CAST: variants seen among roughly 807,000 people sequenced by gnomAD.
CAST encodes MIR583 host.
A neutral mutation model predicts 119.6 loss-of-function variants in CAST; 76 were observed. The observed-to-expected ratio is 0.64, with a 90% CI of 0.53 to 0.77. The LOEUF (loss-of-function observed/expected upper bound fraction) is 0.77. CAST is among the 30% of genes least tolerant of loss of function. CAST has a pLI of 0.00. For missense variants in CAST, 953 were observed against 946.5 expected, an observed-to-expected ratio of 1.01 and a Z score of -0.09; for synonymous variants, 319 against 331.6, an observed-to-expected ratio of 0.96 and a Z score of 0.41.
the CAST span, among the ~76,000 whole-genome samples, chr5:96,479,468 T>TTTTGAG: frequency 6.9e-6 from 1 of 144,536 alleles, no homozygotes; most frequent in Admixed American, 6.8e-5. Flanking sequence ...TTTTTTTTTT[T>TTTTGAG]GAGATGGAGT....
chr5:96,368,701 A>G, the CAST span, among the ~76,000 whole-genome samples: 1 of 151,896 alleles, frequency 6.6e-6, no homozygotes, highest in Admixed American at 6.6e-5. Flanking sequence ...TCTCTTAACA[A>G]GCTCCTGTTC....
At chr5:96,101,677 A>T in the CAST span, among the ~76,000 whole-genome samples, 9 of 152,226 alleles carry the variant, frequency 5.9e-5, no homozygotes. Context: ...ATGGCCAGGC[A>T]TGGTGGCTCA....
chr5:96,539,186 A>G (rs1209492011), intron 1 of CAST, among the ~76,000 whole-genome samples: 2 of 152,206 alleles, frequency 1.3e-5, no homozygotes, highest in Non-Finnish European at 2.9e-5. Context: ...AAGTTCAGGG[A>G]TATAGTGAGT....
At chr5:96,248,367 G>A in the CAST span, among the ~76,000 whole-genome samples, 1 of 152,248 alleles carries the variant, frequency 6.6e-6, no homozygotes, top group African/African-American at 2.4e-5. Flanking sequence ...TATCCATGGT[G>A]AGAGGGGCGG....
chr5:96,430,777 G>A, the CAST span, among the ~76,000 whole-genome samples: 1 of 152,076 alleles, frequency 6.6e-6, no homozygotes, highest in Non-Finnish European at 1.5e-5. Flanking sequence ...ATGGTTAGAG[G>A]AAAGATAGTA....
chr5:96,495,034 C>T, the CAST span, among the ~76,000 whole-genome samples: 2 of 151,010 alleles, frequency 1.3e-5, no homozygotes, highest in African/African-American at 2.4e-5. Flanking sequence ...AGTAAAATCG[C>T]TTGAACCCGG....
chr5:96,093,799 G>A, the CAST span, among the ~76,000 whole-genome samples: 1 of 152,134 alleles, frequency 6.6e-6, no homozygotes, highest in East Asian at 1.9e-4. Context: ...TATTTCAAAG[G>A]GAAAATCACT....
intron 3 of CAST, among the ~76,000 whole-genome samples, chr5:96,720,898 G>A (rs917245467): frequency 1.3e-5 from 2 of 152,166 alleles, no homozygotes; most frequent in African/African-American, 2.4e-5. Context: ...GGTGTTGCAT[G>A]GTTGAGGGGA....
chr5:96,280,100 C>T, the CAST span, among the ~76,000 whole-genome samples: 1 of 152,138 alleles, frequency 6.6e-6, no homozygotes, highest in South Asian at 2.1e-4. Context: ...GTCTCCATGG[C>T]TCCTTGAAAT....
At chr5:96,375,908 T>TAA in the CAST span, among the ~76,000 whole-genome samples, 1 of 146,976 alleles carries the variant, frequency 6.8e-6, no homozygotes, top group African/African-American at 2.5e-5. Context: ...TCTATATATA[T>TAA]ATATAAATAT....
intron 1 of CAST, among the ~76,000 whole-genome samples, chr5:96,583,576 A>C (rs1161494372): frequency 2.0e-5 from 3 of 152,190 alleles, no homozygotes; most frequent in African/African-American, 7.2e-5. Flanking sequence ...TCTGGTAAGG[A>C]CCAATGGACT....
At chr5:96,630,267 G>A (rs1232867435) in intron 1 of CAST, among the ~76,000 whole-genome samples, 2 of 152,268 alleles carry the variant, frequency 1.3e-5, no homozygotes, top group South Asian at 2.1e-4. Flanking sequence ...TGATAAGTGG[G>A]AATCTATTAA....
intron 1 of CAST, among the ~76,000 whole-genome samples, chr5:96,544,911 A>G (rs558164494): frequency 6.6e-6 from 1 of 152,242 alleles, no homozygotes; most frequent in African/African-American, 2.4e-5. Context: ...AAAGTTATGA[A>G]GAGAGATATA....
the CAST span, among the ~76,000 whole-genome samples, chr5:96,461,836 G>A: frequency 1.3e-5 from 2 of 152,136 alleles, no homozygotes; most frequent in Non-Finnish European, 2.9e-5. Context: ...TTTGTGCTAA[G>A]TGCTGATGTA....
the CAST span, among the ~76,000 whole-genome samples, chr5:96,337,512 A>T: frequency 5.3e-5 from 8 of 152,324 alleles, no homozygotes; most frequent in Middle Eastern, 6.8e-3. Flanking sequence ...TGGAAGTAAG[A>T]TGCCGCAAAG....
intron 1 of CAST, among the ~76,000 whole-genome samples, chr5:96,562,697 A>G (rs1214076773): frequency 6.6e-6 from 1 of 152,212 alleles, no homozygotes; most frequent in Non-Finnish European, 1.5e-5. Context: ...TCATTGCACT[A>G]TTGTTTGTGA....
the CAST span, among the ~76,000 whole-genome samples, chr5:96,229,674 A>G: frequency 7.2e-3 from 1,091 of 152,194 alleles, 10 homozygotes; most frequent in African/African-American, 0.025. Context: ...ATTATTCTGT[A>G]TTGTGTTTTA....
At chr5:96,676,550 C>T in intron 2 of CAST, among the ~76,000 whole-genome samples, 1 of 152,108 alleles carries the variant, frequency 6.6e-6, no homozygotes, top group Admixed American at 6.5e-5. Flanking sequence ...TTGTTTTCAT[C>T]ACCAGTACCC....
the CAST span, among the ~76,000 whole-genome samples, chr5:96,039,234 T>A: frequency 6.6e-6 from 1 of 152,202 alleles, no homozygotes; most frequent in Non-Finnish European, 1.5e-5. Flanking sequence ...GCTTTTTTCT[T>A]GTAAACTTGT....
Sources: gnomAD v4.1 joint callset for allele counts (sites outside exome capture counted in the v4.1 genomes callset) on GRCh38, gnomAD v4.1.1 for gene constraint, MANE v1.5 for transcripts, NCBI Gene and HGNC (gene_info 2026-07-23, HGNC 2026-07-21) for gene names.